SERPINE2: variants seen among roughly 807,000 people sequenced by gnomAD.
The protein encoded by SERPINE2 is serpin family E member 2.
In SERPINE2, 14 loss-of-function variants were observed where a neutral mutation model predicts 36.3. That is an observed-to-expected ratio of 0.39 (90% CI 0.25 to 0.60). SERPINE2 has a LOEUF of 0.60. SERPINE2 is among the 20% of genes least tolerant of loss of function. SERPINE2 has a pLI of 0.57. For synonymous variants in SERPINE2, 192 were observed against 191.8 expected (o/e 1.00, Z -0.01); for missense variants, 418 against 499.6 (o/e 0.84, Z 1.56).
chr2:224,005,078 T>A (rs1262726830), intron 1 of SERPINE2, among the ~76,000 whole-genome samples: 1 of 43,500 alleles, frequency 2.3e-5, no homozygotes, highest in African/African-American at 4.3e-5. Context: ...TATATATATA[T>A]ATATATATAT....
intron 1 of SERPINE2, among the ~76,000 whole-genome samples, chr2:224,006,828 C>T (rs1461070374): frequency 1.3e-5 from 2 of 152,202 alleles, no homozygotes; most frequent in Non-Finnish European, 2.9e-5. Context: ...CGTTCTAGTA[C>T]TACTGGACCC....
chr2:224,027,914 G>A (rs991420281), intron 1 of SERPINE2, among the ~76,000 whole-genome samples: 1 of 152,200 alleles, frequency 6.6e-6, no homozygotes, highest in Non-Finnish European at 1.5e-5. Context: ...CTTGTCCTGT[G>A]TGGGGTGTAT....
At chr2:223,996,352 C>G (rs986264975) in intron 3 of SERPINE2, among the ~76,000 whole-genome samples, 7 of 152,184 alleles carry the variant, frequency 4.6e-5, no homozygotes, top group Non-Finnish European at 1.0e-4. Flanking sequence ...GGAGACTCCA[C>G]TGAACACCCT....
intron 1 of SERPINE2, among the ~76,000 whole-genome samples, chr2:224,029,793 G>A (rs898536057): frequency 2.0e-5 from 3 of 152,174 alleles, no homozygotes; most frequent in African/African-American, 7.2e-5. Context: ...CCGCCTCCGG[G>A]GTTCAAGTGA....
intron 5 of SERPINE2, among the ~76,000 whole-genome samples, chr2:223,984,439 A>G (rs1690347221): frequency 6.6e-6 from 1 of 152,198 alleles, no homozygotes; most frequent in African/African-American, 2.4e-5. Flanking sequence ...GTGTGTTTTC[A>G]GTCTTTTAAA....
rs994700549 is a variant in SERPINE2, at chr2:223,989,748, G to A, written c.685+2055C>T. Reference sequence around the variant, plus strand: ...AGAAGGGTGAGCTAAGCTGTTCGCCGTGTTTACTTGTGAGGGAATGAGAAC... The same window carrying A: ...AGAAGGGTGAGCTAAGCTGTTCGCCATGTTTACTTGTGAGGGAATGAGAAC... On this transcript the variant is annotated intron_variant, in intron 4 of 8. Coordinates refer to ENST00000409304, the MANE Select transcript of SERPINE2 (RefSeq NM_001136528.2). 5.9e-5 allele frequency among the ~76,000 whole-genome samples: 9 copies of A among 152,212 alleles called. No homozygotes were observed. The South Asian group carries it at 6.2e-4, about 11-fold the overall frequency.
chr2:224,009,135 C>T (rs1435664712), intron 1 of SERPINE2, among the ~76,000 whole-genome samples: 2 of 152,184 alleles, frequency 1.3e-5, no homozygotes, highest in South Asian at 2.1e-4. Context: ...CAGCGACAAA[C>T]AACCGACACA....
At chr2:223,976,141 TGAA>T (rs1460721368) in intron 8 of SERPINE2, among the ~76,000 whole-genome samples, 2 of 151,924 alleles carry the variant, frequency 1.3e-5, no homozygotes, top group African/African-American at 4.8e-5. Flanking sequence ...ACTTAGAAGT[TGAA>T]TTTTAATTTT....
intron 1 of SERPINE2, among the ~76,000 whole-genome samples, chr2:224,036,024 G>A (rs1484191469): frequency 1.3e-5 from 2 of 152,120 alleles, no homozygotes; most frequent in Non-Finnish European, 2.9e-5. Context: ...CGCTAACAAT[G>A]AAGCGGATAT....
At chr2:224,005,887 G>A (rs1159546011) in intron 1 of SERPINE2, among the ~76,000 whole-genome samples, 1 of 152,184 alleles carries the variant, frequency 6.6e-6, no homozygotes, top group Non-Finnish European at 1.5e-5. Flanking sequence ...CCCATCAGTA[G>A]AGCCATCGCC....
intron 1 of SERPINE2, chr2:224,030,259 G>A (rs984054727): frequency 1.0e-6 from 1 of 981,676 alleles, no homozygotes; most frequent in Non-Finnish European, 1.2e-6. Context: ...TGCCCACTGA[G>A]AGTGCAGCAG....
intron 1 of SERPINE2, among the ~76,000 whole-genome samples, chr2:224,003,390 G>A (rs937364307): frequency 4.6e-5 from 7 of 152,274 alleles, no homozygotes; most frequent in Non-Finnish European, 7.3e-5. Flanking sequence ...TGAATCCCTC[G>A]GGTTGCTCTG....
At chr2:223,987,082 A>G (rs1462503968) in intron 4 of SERPINE2, among the ~76,000 whole-genome samples, 1 of 152,176 alleles carries the variant, frequency 6.6e-6, no homozygotes, top group East Asian at 1.9e-4. Flanking sequence ...CTGCACTTGT[A>G]GCACACTAGC....
intron 1 of SERPINE2, among the ~76,000 whole-genome samples, chr2:224,021,667 G>T (rs1443843784): frequency 6.6e-6 from 1 of 152,238 alleles, no homozygotes; most frequent in African/African-American, 2.4e-5. Flanking sequence ...CTACTGGGAA[G>T]GATAAGACAG....
rs570453678 is a variant in SERPINE2, at chr2:224,029,864, A to G, written c.-23+9235T>C. On this transcript the variant is annotated intron_variant, in intron 1 of 8. Transcript: ENST00000409304. Reference sequence around the variant, plus strand: ...CGGGCGTGCGTCACCATGCCCAGCTAATTTTTTGCATTTTTAGTAGAGACA... The same window carrying G: ...CGGGCGTGCGTCACCATGCCCAGCTGATTTTTTGCATTTTTAGTAGAGACA... Among the ~76,000 whole-genome samples the G allele has an allele frequency of 2.6e-5, 4 of 152,132 alleles. No homozygotes were observed. In the East Asian group the frequency reaches 7.7e-4, roughly 29 times the overall value.
rs115726328 is a variant in SERPINE2, at chr2:224,006,276, G to A, written c.-22-4354C>T. Among the ~76,000 whole-genome samples the A allele has an allele frequency of 6.4e-3, 968 of 152,170 alleles. 11 individuals carry two copies. Among genetic ancestry groups the A allele is most frequent in the African/African-American group, 0.022 (928 of 41,496 alleles). On this transcript the variant is annotated intron_variant, in intron 1 of 8. Coordinates refer to ENST00000409304, the MANE Select transcript of SERPINE2 (RefSeq NM_001136528.2). Reference sequence around the variant, plus strand: ...GTTTGCTACCTGTTTTCACTTGATCGTTCAGAAAAATTATCCACTGGTGGG... The same window carrying A: ...GTTTGCTACCTGTTTTCACTTGATCATTCAGAAAAATTATCCACTGGTGGG...
At chr2:224,034,163 G>GA (rs1692464755) in intron 1 of SERPINE2, among the ~76,000 whole-genome samples, 1 of 152,194 alleles carries the variant, frequency 6.6e-6, no homozygotes, top group Admixed American at 6.5e-5. Context: ...CTGGAGCTTA[G>GA]AGTCTACTGG....
intron 1 of SERPINE2, among the ~76,000 whole-genome samples, chr2:224,016,117 GACA>G (rs1412023424): frequency 2.0e-5 from 3 of 152,194 alleles, no homozygotes; most frequent in African/African-American, 7.2e-5. Context: ...TAATACTAGT[GACA>G]ACACCAATTG....
rs1446730492 is a variant in SERPINE2 at position 224,004,708 on chromosome 2, T to C, written c.-22-2786A>G. Among the ~76,000 whole-genome samples, 10 of 152,036 alleles carry C rather than the reference T, an allele frequency of 6.6e-5. No homozygotes were observed. In the South Asian group the frequency reaches 1.2e-3, roughly 19 times the overall value. ...TAAATATCCTCTTTAAAATTTAATATAGCACAAAGTCATCATAAGTATAAA... is the reference window on the plus strand; with the variant it reads ...TAAATATCCTCTTTAAAATTTAATACAGCACAAAGTCATCATAAGTATAAA... On this transcript the variant is annotated intron_variant, in intron 1 of 8. Transcript: ENST00000409304.
Sources: gnomAD v4.1 joint callset for allele counts (sites outside exome capture counted in the v4.1 genomes callset) on GRCh38, gnomAD v4.1.1 for gene constraint, MANE v1.5 for transcripts, NCBI Gene and HGNC (gene_info 2026-07-23, HGNC 2026-07-21) for gene names.